FAM83B: variants seen among roughly 807,000 people sequenced by gnomAD.
The protein encoded by FAM83B is scaffolding CK1 anchoring protein B.
In FAM83B, 26 loss-of-function variants were observed where a neutral mutation model predicts 38.8. That is an observed-to-expected ratio of 0.67 (90% confidence interval 0.49 to 0.93). The LOEUF (loss-of-function observed/expected upper bound fraction) is 0.93, where lower values mean the gene tolerates loss of function less well. Ranked by LOEUF, FAM83B falls within the 40% of genes least tolerant of loss-of-function variation. The pLI, the probability that FAM83B is intolerant of heterozygous loss-of-function variation, is 0.00. For missense variants in FAM83B, 1,237 were observed against 1,197.3 expected (o/e 1.03, Z -0.49); for synonymous variants, 419 against 423.1 (o/e 0.99, Z 0.12).
chr6:54,866,292 C>T (rs1454390964), intron 1 of FAM83B, among the ~76,000 whole-genome samples: 2 of 151,692 alleles, frequency 1.3e-5, no homozygotes, highest in Non-Finnish European at 2.9e-5. Context: ...TGTGGTTTCA[C>T]ATATAGTTAA....
At chr6:54,852,004 A>AACTCCTGACCTTGTGATCC (rs1287839468) in intron 1 of FAM83B, among the ~76,000 whole-genome samples, 1 of 144,744 alleles carries the variant, frequency 6.9e-6, no homozygotes, top group African/African-American at 2.5e-5. Context: ...GCTGGTCTCA[A>AACTCCTGACCTTGTGATCC]ACTCCTGACC....
intron 4 of FAM83B, among the ~76,000 whole-genome samples, chr6:54,931,627 C>T (rs185330289): frequency 5.3e-4 from 81 of 152,018 alleles, no homozygotes; most frequent in Non-Finnish European, 8.8e-4. Flanking sequence ...CCTGCTTTCT[C>T]TTTTGGTTAC....
intron 2 of FAM83B, among the ~76,000 whole-genome samples, chr6:54,891,247 A>G (rs1343821128): frequency 1.3e-5 from 2 of 152,088 alleles, no homozygotes; most frequent in Admixed American, 1.3e-4. Context: ...TGTGTCTCAT[A>G]GGCTACTGTC....
chr6:54,914,222 T>C (rs1249094681), intron 2 of FAM83B, among the ~76,000 whole-genome samples: 2 of 152,170 alleles, frequency 1.3e-5, no homozygotes, highest in East Asian at 1.9e-4. Flanking sequence ...ATCAGCAAAG[T>C]ACTGTGAAAA....
intron 1 of FAM83B, among the ~76,000 whole-genome samples, chr6:54,867,228 T>C (rs1397738807): frequency 2.6e-5 from 4 of 151,906 alleles, no homozygotes; most frequent in Non-Finnish European, 5.9e-5. Flanking sequence ...TGTCCTCAAA[T>C]AAAGCCCTCC....
chr6:54,916,048 T>G (rs1207900016), intron 2 of FAM83B, among the ~76,000 whole-genome samples: 2 of 152,156 alleles, frequency 1.3e-5, no homozygotes, highest in African/African-American at 4.8e-5. Flanking sequence ...CATCTCTTTC[T>G]TAGTAGAATT....
intron 1 of FAM83B, among the ~76,000 whole-genome samples, chr6:54,863,369 C>T (rs1029072529): frequency 6.6e-6 from 1 of 152,146 alleles, no homozygotes; most frequent in East Asian, 1.9e-4. Flanking sequence ...CACTTGAGGG[C>T]CTTTGTCTCA....
intron 2 of FAM83B, among the ~76,000 whole-genome samples, chr6:54,907,825 A>G (rs1278725631): frequency 6.6e-6 from 1 of 152,136 alleles, no homozygotes; most frequent in Non-Finnish European, 1.5e-5. Context: ...TAAAGCTAAT[A>G]CATTTTTTAT....
At chr6:54,915,084 GT>G (rs895915413) in intron 2 of FAM83B, among the ~76,000 whole-genome samples, 1 of 151,130 alleles carries the variant, frequency 6.6e-6, no homozygotes, top group African/African-American at 2.4e-5. Context: ...TCACCCACCT[GT>G]TTTTATGCAT....
intron 2 of FAM83B, among the ~76,000 whole-genome samples, chr6:54,921,406 G>C (rs1773164543): frequency 6.6e-6 from 1 of 151,690 alleles, no homozygotes; most frequent in Non-Finnish European, 1.5e-5. Flanking sequence ...CTGTAAGAAA[G>C]ATAAGTGAAG....
At chr6:54,918,892 C>T (rs576940911) in intron 2 of FAM83B, among the ~76,000 whole-genome samples, 1 of 152,236 alleles carries the variant, frequency 6.6e-6, no homozygotes, top group South Asian at 2.1e-4. Context: ...AGAGCTTCCT[C>T]TTTTGCTTTG....
At position 54,942,647 on chromosome 6, in the gene FAM83B, C is replaced by T. The variant is rs569872949; in HGVS notation, c.*640C>T. Among the ~76,000 whole-genome samples, 2 of 151,278 alleles carry T rather than the reference C, an allele frequency of 1.3e-5. No individual in the cohort carries two copies. The highest frequency in any genetic ancestry group is 2.1e-4 in the South Asian group (1 of 4,816). ...TTCGTAGGAATTTATTTTCCTCAGC[C>T]TTTGAAAACGGTCTGGGATGTGCTT... On this transcript the variant is annotated 3_prime_UTR_variant, in exon 5 of 5. Coordinates refer to ENST00000306858, the MANE Select transcript of FAM83B (RefSeq NM_001010872.3).
chr6:54,872,323 C>T (rs1308084316), intron 2 of FAM83B, among the ~76,000 whole-genome samples: 1 of 152,080 alleles, frequency 6.6e-6, no homozygotes. Flanking sequence ...ACAAATTATA[C>T]AATTGCATTT....
At chr6:54,871,976 G>A (rs1359495361) in intron 2 of FAM83B, among the ~76,000 whole-genome samples, 10 of 151,998 alleles carry the variant, frequency 6.6e-5, no homozygotes, top group Admixed American at 6.6e-4. Context: ...ATTCCTCAGT[G>A]ACATGGCAGT....
chr6:54,862,706 A>G (rs941577846), intron 1 of FAM83B, among the ~76,000 whole-genome samples: 1 of 152,082 alleles, frequency 6.6e-6, no homozygotes, highest in Non-Finnish European at 1.5e-5. Flanking sequence ...GTGAAACCCC[A>G]TCTCTACTAA....
chr6:54,939,782 G>A lies in FAM83B; in HGVS notation c.811G>A (p.Glu271Lys), dbSNP rs1209803420. 1.2e-6 allele frequency: 2 copies of A among 1,613,794 alleles called. No homozygotes were observed. The highest frequency in any genetic ancestry group is 1.7e-5 in the Admixed American group (1 of 59,940). ...ITGQLVESFD[E>K]EFRTLYARSC... ...AGGACAACTTGTTGAGTCCTTTGAT[G>A]AAGAATTTAGAACTCTCTATGCCAG... Residue 271 changes from glutamate to lysine, a missense_variant, in exon 5 of 5, where the codon GAA becomes AAA. Transcript: ENST00000306858.
chr6:54,915,732 G>A (rs1425379339), intron 2 of FAM83B, among the ~76,000 whole-genome samples: 1 of 100,248 alleles, frequency 1.0e-5, no homozygotes, highest in Admixed American at 8.7e-5. Context: ...CGTGAACCCG[G>A]GAAGCGGAGC....
At chr6:54,928,235 G>A (rs1773348958) in intron 4 of FAM83B, among the ~76,000 whole-genome samples, 1 of 152,094 alleles carries the variant, frequency 6.6e-6, no homozygotes, top group African/African-American at 2.4e-5. Context: ...AGGTCACTGA[G>A]GCAGGGTAGA....
intron 2 of FAM83B, among the ~76,000 whole-genome samples, chr6:54,898,322 A>G (rs1772584433): frequency 6.6e-6 from 1 of 152,180 alleles, no homozygotes; most frequent in African/African-American, 2.4e-5. Context: ...GGAATAACAG[A>G]ATTTCCTGGG....
Sources: gnomAD v4.1 joint callset for allele counts (sites outside exome capture counted in the v4.1 genomes callset) on GRCh38, gnomAD v4.1.1 for gene constraint, MANE v1.5 for transcripts, NCBI Gene and HGNC (gene_info 2026-07-23, HGNC 2026-07-21) for gene names.